Variants in MYT1L observed in about 807,000 individuals in gnomAD.
The protein encoded by MYT1L is myelin transcription factor 1 like.
In MYT1L, 12 loss-of-function variants were observed where a neutral mutation model predicts 126.7. The ratio of observed to expected loss-of-function variants is 0.09; its 90% CI spans 0.06 to 0.15. The LOEUF (loss-of-function observed/expected upper bound fraction) is 0.15. Among genes scored for constraint, MYT1L ranks in the 10% least tolerant of loss-of-function variants. MYT1L has a pLI of 1.00. For synonymous variants in MYT1L, 541 were observed against 604.2 expected (o/e 0.90, Z 1.53); for missense variants, 979 against 1,585.2 (o/e 0.62, Z 6.49).
chr2:2,164,020 A>G (rs1414855646), intron 3 of MYT1L, among the ~76,000 whole-genome samples: 1 of 152,132 alleles, frequency 6.6e-6, no homozygotes, highest in Non-Finnish European at 1.5e-5. Flanking sequence ...ACAGCAATAC[A>G]CATATTTTTA....
chr2:2,027,899 T>C (rs1264983625), intron 4 of MYT1L, among the ~76,000 whole-genome samples: 1 of 152,192 alleles, frequency 6.6e-6, no homozygotes, highest in Non-Finnish European at 1.5e-5. Flanking sequence ...CTAAGGTGAT[T>C]TTTACTTTAG....
chr2:1,919,519 C>T (rs1466462854), intron 10 of MYT1L, among the ~76,000 whole-genome samples: 1 of 152,168 alleles, frequency 6.6e-6, no homozygotes, highest in African/African-American at 2.4e-5. Context: ...TTTGCATTAG[C>T]TCAAGATTTT....
chr2:1,900,783 C>T (rs2050240760), intron 14 of MYT1L, among the ~76,000 whole-genome samples: 1 of 152,166 alleles, frequency 6.6e-6, no homozygotes, highest in African/African-American at 2.4e-5. Context: ...ATTTCCTTTG[C>T]TCTGTTTTCC....
At chr2:2,118,078 CA>C (rs1290800186) in intron 3 of MYT1L, among the ~76,000 whole-genome samples, 1 of 149,544 alleles carries the variant, frequency 6.7e-6, no homozygotes, top group Non-Finnish European at 1.5e-5. Context: ...TATTCAATAA[CA>C]TTTTTATATT....
chr2:2,011,274 C>T (rs371418024), intron 4 of MYT1L, among the ~76,000 whole-genome samples: 20 of 152,128 alleles, frequency 1.3e-4, no homozygotes, highest in Middle Eastern at 3.4e-3. Flanking sequence ...GCCTGTAATC[C>T]GAACTACCAT....
chr2:2,227,233 T>C (rs1572640238), intron 2 of MYT1L, among the ~76,000 whole-genome samples: 1 of 152,314 alleles, frequency 6.6e-6, no homozygotes, highest in East Asian at 1.9e-4. Context: ...TGATATCATC[T>C]GGTCCCATGG....
intron 20 of MYT1L, 94 bp downstream of exon 20, chr2:1,840,666 C>CT (rs1268019988): frequency 2.2e-6 from 2 of 914,882 alleles, no homozygotes; most frequent in African/African-American, 3.4e-5. Context: ...GACCCGCTGT[C>CT]TCTTTTTCTT....
intron 9 of MYT1L, among the ~76,000 whole-genome samples, chr2:1,939,243 C>G (rs1344834334): frequency 1.3e-5 from 2 of 152,208 alleles, no homozygotes; most frequent in Non-Finnish European, 2.9e-5. Flanking sequence ...CTGTGCTTCT[C>G]TGTGTTAGAA....
At chr2:2,061,846 C>T (rs928664661) in intron 3 of MYT1L, among the ~76,000 whole-genome samples, 1 of 152,172 alleles carries the variant, frequency 6.6e-6, no homozygotes, top group Non-Finnish European at 1.5e-5. Context: ...CATACACACA[C>T]ATGGTTTAGG....
chr2:2,235,419 C>G (rs60250821), intron 2 of MYT1L, among the ~76,000 whole-genome samples: 22 of 41,900 alleles, frequency 5.3e-4, no homozygotes, highest in East Asian at 1.5e-3. Flanking sequence ...ATCTTCCTCA[C>G]AGCTTCCCCT....
intron 5 of MYT1L, among the ~76,000 whole-genome samples, chr2:1,991,815 C>A (rs939583429): frequency 6.6e-6 from 1 of 152,132 alleles, no homozygotes; most frequent in African/African-American, 2.4e-5. Context: ...ACAGTCTTGT[C>A]AATTCCTCTC....
rs112336012 is a variant in MYT1L, at chr2:1,943,455, A to G, written c.153-121T>C. 2.7e-5 allele frequency: 31 copies of G among 1,162,124 alleles called. No homozygotes were observed. In the African/African-American group the frequency reaches 3.1e-4, roughly 12 times the overall value. The allele number at this position is 1,162,124 out of a possible 1,614,324, so 72.0% of individuals were successfully genotyped here. A position where few individuals can be genotyped will look rare whatever the true frequency, so the allele number is the denominator to read the frequency against. Reference sequence around the variant, plus strand: ...TACTTAAAGGCTTATCATGAATGTCATCAGCACAAACACCAGAGAGACATA... The same window carrying G: ...TACTTAAAGGCTTATCATGAATGTCGTCAGCACAAACACCAGAGAGACATA... On this transcript the variant is annotated intron_variant, in intron 8 of 24. Transcript: ENST00000647738. This position sits in a 1 kb window ranked among gnomAD's most constrained non-coding sequence, Gnocchi z 4.4.
At position 1,889,272 on chromosome 2, in the gene MYT1L, C is replaced by T. The variant is rs2148851905; in HGVS notation, c.2489G>A (p.Arg830Lys). 1 of 1,613,970 alleles carries T rather than the reference C, an allele frequency of 6.2e-7. No homozygotes were observed. Among genetic ancestry groups the T allele is most frequent in the East Asian group, 2.2e-5 (1 of 44,872 alleles). ...GTCTTTGGACTCGTCCTCGTCTATCCTCCGGGGTTTCATTTTGGTGTAGTC... is the reference window on the plus strand; with the variant it reads ...GTCTTTGGACTCGTCCTCGTCTATCTTCCGGGGTTTCATTTTGGTGTAGTC... ...PVDYTKMKPR[R>K]IDEDESKDIT... Residue 830 changes from arginine (R) to lysine (K), a missense_variant, in exon 16 of 25, where the codon AGG becomes AAG. By Grantham distance (26) the Arg-to-Lys change is conservative. Coordinates refer to ENST00000647738, the MANE Select transcript of MYT1L (RefSeq NM_001303052.2). The surrounding 1 kb of genome is among the most constrained non-coding windows in gnomAD (Gnocchi z 4.1).
At chr2:2,075,755 C>T (rs557523815) in intron 3 of MYT1L, among the ~76,000 whole-genome samples, 1 of 152,256 alleles carries the variant, frequency 6.6e-6, no homozygotes, top group Non-Finnish European at 1.5e-5. Context: ...ACAATAAAAT[C>T]AACTACTTCA....
intron 2 of MYT1L, among the ~76,000 whole-genome samples, chr2:2,226,333 T>A (rs2094008208): frequency 6.6e-6 from 1 of 150,890 alleles, no homozygotes; most frequent in African/African-American, 2.5e-5. Context: ...GCATATTTGT[T>A]CTATAATAAA....
At chr2:1,851,521 A>G (rs1219545945) in intron 19 of MYT1L, 120 bp downstream of exon 19, 9 of 903,040 alleles carry the variant, frequency 1.0e-5, no homozygotes, top group Non-Finnish European at 1.6e-5. Flanking sequence ...AAGAGTCTCT[A>G]GATCCTTAAT....
At chr2:1,945,609 C>T (rs2057139403) in intron 8 of MYT1L, among the ~76,000 whole-genome samples, 1 of 152,094 alleles carries the variant, frequency 6.6e-6, no homozygotes, top group Admixed American at 6.5e-5. Flanking sequence ...ACATCATCAG[C>T]TGTAAAGTCA....
At chr2:1,860,489 C>T (rs1316286283) in intron 18 of MYT1L, among the ~76,000 whole-genome samples, 1 of 152,206 alleles carries the variant, frequency 6.6e-6, no homozygotes, top group Non-Finnish European at 1.5e-5. Flanking sequence ...TCACTCAGGG[C>T]TGGGATGCTG....
intron 1 of MYT1L, among the ~76,000 whole-genome samples, chr2:2,285,314 A>G (rs754099667): frequency 5.9e-5 from 9 of 152,204 alleles, no homozygotes; most frequent in Non-Finnish European, 1.3e-4. Context: ...TATCAGGACA[A>G]ATGCCACAAT....
Sources: allele counts gnomAD v4.1 joint callset (sites outside exome capture counted in the v4.1 genomes callset), GRCh38; gene constraint gnomAD v4.1.1; non-coding constraint Gnocchi (gnomAD v3.1); transcripts MANE v1.5; gene names NCBI Gene and HGNC (gene_info 2026-07-23, HGNC 2026-07-21).